Variants in HIPK2 observed in about 807,000 individuals in gnomAD.
HIPK2 encodes homeodomain-interacting protein kinase 2.
In HIPK2, 27 loss-of-function variants were observed where a neutral mutation model predicts 113.7. The ratio of observed to expected loss-of-function variants is 0.24; its 90% CI spans 0.17 to 0.33. The LOEUF is 0.33. HIPK2 is among the 10% of genes least tolerant of loss of function. The pLI is 1.00. For synonymous variants in HIPK2, 631 were observed against 642.2 expected (o/e 0.98, Z 0.26); for missense variants, 1,257 against 1,588.0 (o/e 0.79, Z 3.54).
At chr7:139,650,330 A>G (rs1180145229) in intron 2 of HIPK2, among the ~76,000 whole-genome samples, 6 of 141,998 alleles carry the variant, frequency 4.2e-5, no homozygotes, top group African/African-American at 1.6e-4. Flanking sequence ...AGCCTGGGCG[A>G]CAGAGCAAGA....
chr7:139,756,712 A>G (rs893054638), intron 1 of HIPK2, among the ~76,000 whole-genome samples: 1 of 152,232 alleles, frequency 6.6e-6, no homozygotes, highest in African/African-American at 2.4e-5. Context: ...AGCATGAGCC[A>G]CCGCATCCAG....
chr7:139,573,277 C>G lies in HIPK2; in HGVS notation c.3247G>C (p.Val1083Leu), dbSNP rs1156325133. The G allele has an allele frequency of 6.2e-7, 1 of 1,604,812 alleles. No individual in the cohort carries two copies. The highest frequency in any genetic ancestry group is 8.5e-7 in the Non-Finnish European group (1 of 1,179,774). ...GCGGCTGCAGCCAGATGCGGGTGCACAGTGCCGTGGCTGGGGCTGTTGTGC... is the reference window on the plus strand; with the variant it reads ...GCGGCTGCAGCCAGATGCGGGTGCAGAGTGCCGTGGCTGGGGCTGTTGTGC... ...FPHNSPSHGT[V>L]HPHLAAAAAA... The change falls in exon 15 of 15, where the codon GTG (valine) becomes CTG (leucine). Residue 1083 changes from valine (V) to leucine (L), a missense_variant. By Grantham distance (32) the Val-to-Leu change is conservative. This residue lies in a region of HIPK2 where 862 missense variants were observed against 1,004.3 expected (regional missense o/e 0.86). Coordinates refer to ENST00000406875, the MANE Select transcript of HIPK2 (RefSeq NM_022740.5).
intron 1 of HIPK2, among the ~76,000 whole-genome samples, chr7:139,740,834 G>A (rs1471286390): frequency 1.3e-5 from 2 of 152,182 alleles, no homozygotes; most frequent in South Asian, 4.1e-4. Flanking sequence ...TTGGGCACTG[G>A]ACTAAATTAC....
intron 6 of HIPK2, 109 bp downstream of exon 6, chr7:139,626,492 G>A: frequency 8.9e-7 from 1 of 1,122,372 alleles, no homozygotes; most frequent in Non-Finnish European, 1.3e-6. Context: ...TACAGTGACA[G>A]CTGAGTAGTT....
intron 2 of HIPK2, among the ~76,000 whole-genome samples, chr7:139,659,531 C>G (rs1387437958): frequency 2.0e-5 from 3 of 152,208 alleles, no homozygotes; most frequent in African/African-American, 4.8e-5. Flanking sequence ...CCTGCTTGGG[C>G]TATTAGTGTC....
rs553835891 is a variant in HIPK2, at chr7:139,575,296, G to T, written c.2966-8C>A. On this transcript the variant is annotated splice_polypyrimidine_tract_variant and splice_region_variant and intron_variant, in intron 13 of 14. Coordinates refer to ENST00000406875, the MANE Select transcript of HIPK2 (RefSeq NM_022740.5). ...AGTGGTGACTGGTGTTGACTGTGGC[G>T]GGAGGAGAAAGAGGTCAGATCAGTG... 6.4e-7 allele frequency: 1 copy of T among 1,556,914 alleles called. No individual in the cohort carries two copies. Among genetic ancestry groups the T allele is most frequent in the East Asian group, 2.4e-5 (1 of 41,624 alleles).
intron 2 of HIPK2, among the ~76,000 whole-genome samples, chr7:139,634,695 T>TTTTTTTTTTTA: frequency 2.0e-5 from 3 of 147,608 alleles, no homozygotes; most frequent in African/African-American, 2.6e-5. Context: ...TTTTTTTTTT[T>TTTTTTTTTTTA]GAGACAGAGT....
At chr7:139,698,655 C>A (rs1794627184) in intron 2 of HIPK2, among the ~76,000 whole-genome samples, 1 of 152,232 alleles carries the variant, frequency 6.6e-6, no homozygotes, top group African/African-American at 2.4e-5. Context: ...TTCATTAACA[C>A]TGACCTTTGT....
chr7:139,701,626 A>G (rs1794711804), intron 2 of HIPK2, among the ~76,000 whole-genome samples: 1 of 152,244 alleles, frequency 6.6e-6, no homozygotes, highest in South Asian at 2.1e-4. Flanking sequence ...GGATACAATC[A>G]GCCTTGGTTC....
chr7:139,675,610 C>A (rs1802469867), intron 2 of HIPK2, among the ~76,000 whole-genome samples: 1 of 152,186 alleles, frequency 6.6e-6, no homozygotes, highest in Non-Finnish European at 1.5e-5. Flanking sequence ...AAAAAATAAT[C>A]TGAAAACAGT....
intron 2 of HIPK2, among the ~76,000 whole-genome samples, chr7:139,692,357 C>T (rs1444709735): frequency 2.0e-5 from 3 of 152,200 alleles, no homozygotes; most frequent in Non-Finnish European, 2.9e-5. Context: ...TGCACACTGG[C>T]TACAGAGAGG....
At chr7:139,621,373 T>A (rs1468084070) in intron 6 of HIPK2, among the ~76,000 whole-genome samples, 2 of 152,224 alleles carry the variant, frequency 1.3e-5, no homozygotes, top group Non-Finnish European at 2.9e-5. Context: ...TGTCTAAGTC[T>A]TGTCCAGCTA....
intron 12 of HIPK2, among the ~76,000 whole-genome samples, chr7:139,595,335 C>T (rs1278554275): frequency 6.6e-5 from 10 of 152,120 alleles, no homozygotes; most frequent in African/African-American, 2.2e-4. Flanking sequence ...AGGACTGAAC[C>T]GACAGTATTC....
At chr7:139,705,358 C>T (rs995982855) in intron 2 of HIPK2, among the ~76,000 whole-genome samples, 7 of 152,138 alleles carry the variant, frequency 4.6e-5, no homozygotes, top group Admixed American at 4.6e-4. Context: ...GGGAAAACTA[C>T]TACCAACTGC....
At chr7:139,721,269 A>G (rs1243685013) in intron 1 of HIPK2, among the ~76,000 whole-genome samples, 1 of 152,240 alleles carries the variant, frequency 6.6e-6, no homozygotes, top group Middle Eastern at 3.2e-3. Flanking sequence ...ATACTTTTTT[A>G]AATCCCTGAA....
In HIPK2 at chr7:139,747,082, AC is replaced by A. The variant is rs1462408800; in HGVS notation, c.20-30068del. On this transcript the variant is annotated intron_variant, in intron 1 of 14. Transcript: ENST00000406875. ...AGGGCTGGCCAAATCAGTCACAGGGACCCCTTTTCGGTGTGAAACTGCACCA... is the reference window on the plus strand; with the variant it reads ...AGGGCTGGCCAAATCAGTCACAGGGACCCTTTTCGGTGTGAAACTGCACCA... Among the ~76,000 whole-genome samples, 3 of 151,930 alleles carry A rather than the reference AC, an allele frequency of 2.0e-5. No individual in the cohort carries two copies. In the East Asian group the frequency reaches 5.8e-4, roughly 29 times the overall value.
intron 2 of HIPK2, among the ~76,000 whole-genome samples, chr7:139,679,987 G>A (rs1802639223): frequency 6.6e-6 from 1 of 152,068 alleles, no homozygotes; most frequent in Non-Finnish European, 1.5e-5. Flanking sequence ...ACCCTGGGGA[G>A]CAAAGTTCGC....
At position 139,742,283 on chromosome 7, in the gene HIPK2, C is replaced by T. The variant is rs201989150; in HGVS notation, c.20-25268G>A. Among the ~76,000 whole-genome samples the T allele has an allele frequency of 5.9e-5, 9 of 152,202 alleles. No individual in the cohort carries two copies. The East Asian group carries it at 1.7e-3, about 29-fold the overall frequency. The stretch of plus-strand genomic sequence containing the variant: ...CTTCCATGAAGGAGGCCATGCTTAC[C>T]AAACTGGGCTGAGTGTCCTGTGAGG... On this transcript the variant is annotated intron_variant, in intron 1 of 14. Coordinates refer to ENST00000406875, the MANE Select transcript of HIPK2 (RefSeq NM_022740.5).
At chr7:139,612,443 G>A (rs534639259) in intron 9 of HIPK2, among the ~76,000 whole-genome samples, 1 of 152,248 alleles carries the variant, frequency 6.6e-6, no homozygotes, top group African/African-American at 2.4e-5. Flanking sequence ...TGTGTGTCCT[G>A]GTTCTGTTAC....
Sources: allele counts gnomAD v4.1 joint callset (sites outside exome capture counted in the v4.1 genomes callset), GRCh38; gene constraint gnomAD v4.1.1; regional missense constraint gnomAD v4.1.1; transcripts MANE v1.5; gene names NCBI Gene and HGNC (gene_info 2026-07-23, HGNC 2026-07-21).